The following TECRL variants were observed in gnomAD, a reference collection of about 807,000 sequenced individuals.
The protein encoded by TECRL is trans-2,3-enoyl-CoA reductase like, also known as trans-2,3-enoyl-CoA reductase-like.
TECRL carries 63 observed loss-of-function variants against 52.8 expected under a neutral mutation model. The ratio of observed to expected loss-of-function variants is 1.19; its 90% confidence interval spans 0.97 to 1.47. The LOEUF is 1.47. Among genes scored for constraint, TECRL ranks in the 40% most tolerant of loss-of-function variants. The pLI, the probability that TECRL is intolerant of heterozygous loss-of-function variation, is 0.00. For synonymous variants in TECRL, 164 were observed against 141.9 expected (o/e 1.16, Z -1.10); for missense variants, 482 against 429.6 (o/e 1.12, Z -1.08).
intron 3 of TECRL, among the ~76,000 whole-genome samples, chr4:64,325,990 G>C (rs1718235900): frequency 6.6e-6 from 1 of 152,094 alleles, no homozygotes; most frequent in African/African-American, 2.4e-5. Context: ...AGGGCCAAGA[G>C]GACAGGAAAT....
chr4:64,309,959 G>T, intron 5 of TECRL, 28 bp from the exon 6 acceptor site: 1 of 1,454,926 alleles, frequency 6.9e-7, no homozygotes, highest in Non-Finnish European at 9.5e-7. Context: ...ACATAAACAT[G>T]AAAATCCTTT....
At chr4:64,339,924 T>A (rs1160077222) in intron 2 of TECRL, among the ~76,000 whole-genome samples, 1 of 152,186 alleles carries the variant, frequency 6.6e-6, no homozygotes, top group Non-Finnish European at 1.5e-5. Context: ...ATAGGATCCA[T>A]AACAAATCAC....
chr4:64,320,409 T>C (rs562466081), intron 4 of TECRL, among the ~76,000 whole-genome samples: 1 of 152,046 alleles, frequency 6.6e-6, no homozygotes, highest in East Asian at 1.9e-4. Flanking sequence ...CTGAAATGGG[T>C]GTAATTGCAA....
In TECRL at chr4:64,334,030, CAAAA is replaced by C. The variant is rs4034910; in HGVS notation, c.287-5478_287-5475del. On this transcript the variant is annotated intron_variant, in intron 2 of 11. Transcript: ENST00000381210. ...TGGGCGACAGAGCGAGACTCCGTCT[CAAAA>C]AAAAAAAAAAAAAAAGAAAAAGAGA... 1.4e-4 allele frequency among the ~76,000 whole-genome samples: 4 copies of C among 28,034 alleles called. 1 individual carries two copies. Among genetic ancestry groups the C allele is most frequent in the East Asian group, 1.2e-3 (1 of 816 alleles). The allele number at this position is 28,034 out of a possible 152,430, so 18.4% of individuals were successfully genotyped here.
intron 9 of TECRL, among the ~76,000 whole-genome samples, chr4:64,283,578 C>T (rs62408511): frequency 0.37 from 55,850 of 151,894 alleles, 12,812 homozygotes; most frequent in East Asian, 0.57. Context: ...ACAAACACAT[C>T]TAAAACAAAC....
At chr4:64,314,023 A>G (rs1407378159) in intron 5 of TECRL, among the ~76,000 whole-genome samples, 1 of 147,554 alleles carries the variant, frequency 6.8e-6, no homozygotes, top group Non-Finnish European at 1.5e-5. Flanking sequence ...TGTGGCAAGC[A>G]CCTGTAGTCC....
At chr4:64,277,447 A>C (rs1213000169), downstream of TECRL, among the ~76,000 whole-genome samples, 1 of 151,882 alleles carries the variant, frequency 6.6e-6, no homozygotes, top group African/African-American at 2.4e-5. Flanking sequence ...ATTTAGCTGA[A>C]TAGATATTAG....
intron 10 of TECRL, 52 bp downstream of exon 10, chr4:64,281,422 A>C: frequency 9.2e-7 from 1 of 1,083,246 alleles, no homozygotes; most frequent in Non-Finnish European, 1.4e-6. Flanking sequence ...AAGCACATGC[A>C]TTTAGTATAT....
intron 2 of TECRL, among the ~76,000 whole-genome samples, chr4:64,332,430 G>A (rs1485951855): frequency 1.3e-5 from 2 of 152,118 alleles, no homozygotes; most frequent in South Asian, 2.1e-4. Context: ...TCTCTGGAAG[G>A]AGATCGCTTC....
intron 6 of TECRL, among the ~76,000 whole-genome samples, chr4:64,306,116 G>A (rs1724322101): frequency 6.6e-6 from 1 of 152,096 alleles, no homozygotes; most frequent in Admixed American, 6.6e-5. Context: ...TCATTTCCAA[G>A]AGCTCTTGCC....
At chr4:64,359,273 T>C (rs11734131) in intron 2 of TECRL, among the ~76,000 whole-genome samples, 136,384 of 151,784 alleles carry the variant, frequency 0.9, 61,940 homozygotes, top group East Asian at 1. Flanking sequence ...TGTGTGTTTG[T>C]GGGTATATTT....
intron 2 of TECRL, among the ~76,000 whole-genome samples, chr4:64,361,930 G>T (rs1351957194): frequency 6.6e-6 from 1 of 152,090 alleles, no homozygotes; most frequent in African/African-American, 2.4e-5. Context: ...AGATACAGCA[G>T]AAGGTTAAAA....
chr4:64,289,499 G>A lies in TECRL; in HGVS notation c.832+211C>T, dbSNP rs55879861. Among the ~76,000 whole-genome samples, 1,468 of 152,072 alleles carry A rather than the reference G, an allele frequency of 9.7e-3. 16 individuals are homozygous for A. The highest frequency in any genetic ancestry group is 0.031 in the African/African-American group (1,266 of 41,486). On this transcript the variant is annotated intron_variant, in intron 9 of 11. Transcript: ENST00000381210. Reference sequence around the variant, plus strand: ...TAGTGTGTGTGGGGAGGGTGATAGCGTGCATGCACACTTCATTTTAGAGAA... The same window carrying A: ...TAGTGTGTGTGGGGAGGGTGATAGCATGCATGCACACTTCATTTTAGAGAA...
At chr4:64,365,214 A>AAT (rs1321708189) in intron 2 of TECRL, among the ~76,000 whole-genome samples, 2 of 151,606 alleles carry the variant, frequency 1.3e-5, no homozygotes, top group African/African-American at 4.8e-5. Context: ...ATGTTAAAAA[A>AAT]AAAAAAGCTA....
At chr4:64,337,036 G>T (rs1476961192) in intron 2 of TECRL, among the ~76,000 whole-genome samples, 1 of 152,096 alleles carries the variant, frequency 6.6e-6, no homozygotes, top group Admixed American at 6.6e-5. Flanking sequence ...GCTTGGTGCA[G>T]AGCTGAATTC....
intron 2 of TECRL, among the ~76,000 whole-genome samples, chr4:64,346,318 A>T (rs1177088456): frequency 6.6e-6 from 1 of 152,154 alleles, no homozygotes; most frequent in Non-Finnish European, 1.5e-5. Flanking sequence ...CCCAGTGAGT[A>T]CTTTGTGTGG....
chr4:64,348,258 G>GA (rs1720131355), intron 2 of TECRL, among the ~76,000 whole-genome samples: 1 of 152,130 alleles, frequency 6.6e-6, no homozygotes, highest in Non-Finnish European at 1.5e-5. Context: ...GGTGACAGAA[G>GA]AGAGAGAAAA....
intron 1 of TECRL, among the ~76,000 whole-genome samples, chr4:64,383,603 A>G (rs1722966612): frequency 6.6e-6 from 1 of 151,638 alleles, no homozygotes; most frequent in Non-Finnish European, 1.5e-5. Context: ...CTTTTTTATT[A>G]TATCTATCTT....
chr4:64,314,086 C>A (rs1471655421), intron 5 of TECRL, among the ~76,000 whole-genome samples: 1 of 150,636 alleles, frequency 6.6e-6, no homozygotes, highest in Non-Finnish European at 1.5e-5. Flanking sequence ...GGAGGCGGAG[C>A]GTGCAGTGAG....
Sources: allele counts gnomAD v4.1 joint callset (sites outside exome capture counted in the v4.1 genomes callset), GRCh38; gene constraint gnomAD v4.1.1; transcripts MANE v1.5; gene names NCBI Gene and HGNC (gene_info 2026-07-23, HGNC 2026-07-21).